The following SHROOM4 variants were observed in gnomAD, a reference collection of about 807,000 sequenced individuals.
SHROOM4 encodes protein Shroom4.
SHROOM4 carries 17 observed loss-of-function variants against 80.3 expected under a neutral mutation model. The observed-to-expected ratio is 0.21, with a 90% CI of 0.14 to 0.32. The LOEUF is 0.32. SHROOM4 is among the 10% of genes least tolerant of loss of function. The pLI, the probability that SHROOM4 is intolerant of heterozygous loss-of-function variation, is 1.00. For synonymous variants in SHROOM4, 400 were observed against 437.5 expected (o/e 0.91, Z 1.07); for missense variants, 993 against 1,140.3 (o/e 0.87, Z 1.86).
At chrX:50,696,364 C>T (rs1461964108) in intron 1 of SHROOM4, among the ~76,000 whole-genome samples, 16 of 111,800 alleles carry the variant, frequency 1.4e-4, no homozygotes, top group African/African-American at 4.9e-4. Context: ...GTCTGACAAA[C>T]GTAAGTTTGA....
intron 1 of SHROOM4, among the ~76,000 whole-genome samples, chrX:50,738,053 T>C (rs1461452532): frequency 1.8e-5 from 2 of 111,273 alleles, no homozygotes; most frequent in Admixed American, 1.9e-4. Context: ...TAATCCAGCA[T>C]ATAAACAGAA....
intron 1 of SHROOM4, among the ~76,000 whole-genome samples, chrX:50,812,506 T>A (rs1230757011): frequency 9.2e-6 from 1 of 108,404 alleles, no homozygotes; most frequent in Non-Finnish European, 1.9e-5. Flanking sequence ...ATCAGAGGGG[T>A]CCCTGCCAGC....
chrX:50,813,848 C>T, intron 1 of SHROOM4, 54 bp downstream of exon 1: 1 of 983,981 alleles, frequency 1.0e-6, no homozygotes, highest in South Asian at 2.0e-5. Flanking sequence ...GCCTTCGCAC[C>T]CGCTTGTCCA....
At chrX:50,777,345 A>G (rs1169280071) in intron 1 of SHROOM4, among the ~76,000 whole-genome samples, 2 of 112,300 alleles carry the variant, frequency 1.8e-5, no homozygotes, top group African/African-American at 6.5e-5. Flanking sequence ...CTGTAAATAG[A>G]TAAGAAGACT....
intron 2 of SHROOM4, among the ~76,000 whole-genome samples, chrX:50,653,673 G>T (rs1932199995): frequency 9.0e-6 from 1 of 111,703 alleles, no homozygotes; most frequent in Admixed American, 9.6e-5. Context: ...TCCAGCTTCT[G>T]TCCATTCAGT....
intron 5 of SHROOM4, among the ~76,000 whole-genome samples, chrX:50,609,705 T>C (rs1929869712): frequency 9.2e-6 from 1 of 108,787 alleles, no homozygotes; most frequent in African/African-American, 3.4e-5. Flanking sequence ...AATTTTAATA[T>C]ATTATATATG....
chrX:50,607,598 GC>G lies in SHROOM4; in HGVS notation c.3543del (p.Glu1181AspfsTer39). ...TGGCCAAAGCTGAGGGGTTGTGGCT[GC>G]TCTAGGACCTCCTCAGGATTGAGAG... ...SCALNPEEVL[E>X]QPQPLSFGHL... On this transcript the variant is annotated frameshift_variant, in exon 6 of 9. Transcript: ENST00000376020. LOFTEE classifies it high-confidence loss of function. The G allele has an allele frequency of 8.3e-7, 1 of 1,211,661 alleles. No homozygotes were observed. Among genetic ancestry groups the G allele is most frequent in the Non-Finnish European group, 1.1e-6 (1 of 895,451 alleles).
chrX:50,674,425 T>G (rs1557261110), intron 2 of SHROOM4, among the ~76,000 whole-genome samples: 1 of 111,378 alleles, frequency 9.0e-6, no homozygotes, highest in Non-Finnish European at 1.9e-5. Context: ...CCCACACAAA[T>G]ATGCCAAACT....
At chrX:50,765,025 C>T (rs782763799) in intron 1 of SHROOM4, among the ~76,000 whole-genome samples, 1 of 111,605 alleles carries the variant, frequency 9.0e-6, no homozygotes, top group South Asian at 3.7e-4. Context: ...CCTCATGAGA[C>T]TTATTCACTG....
chrX:50,693,802 A>C (rs1344918701), intron 2 of SHROOM4, among the ~76,000 whole-genome samples: 1 of 110,376 alleles, frequency 9.1e-6, no homozygotes, highest in Non-Finnish European at 1.9e-5. Flanking sequence ...TTACCCTACC[A>C]AACTATTGAA....
At chrX:50,781,729 GA>G (rs1220082063) in intron 1 of SHROOM4, among the ~76,000 whole-genome samples, 1 of 108,033 alleles carries the variant, frequency 9.3e-6, no homozygotes, top group East Asian at 2.9e-4. Flanking sequence ...GAAACAGAAA[GA>G]AAAAAAAATA....
At chrX:50,768,369 C>T (rs1259356506) in intron 1 of SHROOM4, among the ~76,000 whole-genome samples, 4 of 111,842 alleles carry the variant, frequency 3.6e-5, no homozygotes, top group East Asian at 2.8e-4. Flanking sequence ...CATTTTGAGC[C>T]ACACAACCAA....
At chrX:50,694,414 A>G (rs948535819) in intron 2 of SHROOM4, among the ~76,000 whole-genome samples, 1 of 108,065 alleles carries the variant, frequency 9.3e-6, no homozygotes, top group Non-Finnish European at 1.9e-5. Flanking sequence ...GAGTGAGATA[A>G]TATCTCATTG....
intron 1 of SHROOM4, among the ~76,000 whole-genome samples, chrX:50,746,458 A>G (rs1934775010): frequency 8.9e-6 from 1 of 111,788 alleles, no homozygotes; most frequent in Admixed American, 9.5e-5. Flanking sequence ...AAAACAAAGA[A>G]TCCAGCCACC....
At chrX:50,796,308 T>C (rs782563251) in intron 1 of SHROOM4, among the ~76,000 whole-genome samples, 2 of 112,128 alleles carry the variant, frequency 1.8e-5, no homozygotes, top group South Asian at 7.4e-4. Flanking sequence ...AAGATTCCTT[T>C]CAACTGTAAG....
intron 1 of SHROOM4, among the ~76,000 whole-genome samples, chrX:50,748,132 G>A (rs1367954845): frequency 1.8e-5 from 2 of 111,581 alleles, no homozygotes; most frequent in East Asian, 2.8e-4. Context: ...CTGAAAGATC[G>A]AGGCTGGCTG....
chrX:50,658,311 T>C (rs1205142242), intron 2 of SHROOM4, among the ~76,000 whole-genome samples: 1 of 111,613 alleles, frequency 9.0e-6, no homozygotes, highest in Admixed American at 9.5e-5. Context: ...GTGAGAAATC[T>C]GGTAGATACT....
rs782615843 is a variant in SHROOM4 at position 50,718,588 on chromosome X, T to C, written c.118-22651A>G. The stretch of plus-strand genomic sequence containing the variant: ...TAAATACAGCCCTGCTTCTATGTCA[T>C]GTGAATGAGCATGAGTGCTACCTTG... On this transcript the variant is annotated intron_variant, in intron 1 of 8. Transcript: ENST00000376020. 1.5e-3 allele frequency among the ~76,000 whole-genome samples: 168 copies of C among 111,404 alleles called. 1 individual carries two copies. Among genetic ancestry groups the C allele is most frequent in the African/African-American group, 5.4e-3 (164 of 30,627 alleles).
intron 1 of SHROOM4, among the ~76,000 whole-genome samples, chrX:50,703,952 G>A (rs1310377693): frequency 2.7e-5 from 3 of 111,908 alleles, no homozygotes; most frequent in Admixed American, 9.5e-5. Context: ...ATGTGGTGGA[G>A]AGAGTTCAGG....
Sources: gnomAD v4.1 joint callset for allele counts (sites outside exome capture counted in the v4.1 genomes callset) on GRCh38, gnomAD v4.1.1 for gene constraint, MANE v1.5 for transcripts, NCBI Gene and HGNC (gene_info 2026-07-23, HGNC 2026-07-21) for gene names.